The following CTNND2 variants were observed in gnomAD, a reference collection of about 807,000 sequenced individuals.
CTNND2 encodes the protein catenin delta 2.
In CTNND2, 22 loss-of-function variants were observed where a neutral mutation model predicts 144.4. The ratio of observed to expected loss-of-function variants is 0.15; its 90% confidence interval spans 0.11 to 0.22. The LOEUF is 0.22. Ranked by LOEUF, CTNND2 falls within the 10% of genes least tolerant of loss-of-function variation. CTNND2 has a pLI of 1.00. For missense variants in CTNND2, 1,353 were observed against 1,618.8 expected, an observed-to-expected ratio of 0.84 and a Z score of 2.82; for synonymous variants, 751 against 695.6, an observed-to-expected ratio of 1.08 and a Z score of -1.25.
intron 1 of CTNND2, among the ~76,000 whole-genome samples, chr5:11,750,719 C>T (rs1172837697): frequency 6.6e-6 from 1 of 151,742 alleles, no homozygotes; most frequent in East Asian, 1.9e-4. Context: ...GATTCAAAAA[C>T]AGTAATTTTT....
chr5:11,221,232 G>A (rs542305854), intron 10 of CTNND2, among the ~76,000 whole-genome samples: 17 of 152,302 alleles, frequency 1.1e-4, no homozygotes, highest in African/African-American at 4.1e-4. Flanking sequence ...CGTCTGATAC[G>A]AAATGACTGA....
intron 1 of CTNND2, among the ~76,000 whole-genome samples, chr5:11,770,415 A>AGAAGGAAG (rs1206057309): frequency 0.012 from 125 of 10,014 alleles, no homozygotes; most frequent in Admixed American, 0.015. Context: ...AAAAAAGGAA[A>AGAAGGAAG]GAAGGAAGGA....
At chr5:11,208,405 A>T (rs967366666) in intron 10 of CTNND2, among the ~76,000 whole-genome samples, 2 of 152,156 alleles carry the variant, frequency 1.3e-5, no homozygotes, top group Non-Finnish European at 2.9e-5. Context: ...AAAAATAGAG[A>T]ATTATGGAAA....
chr5:11,365,299 A>G (rs534006266), intron 7 of CTNND2, among the ~76,000 whole-genome samples: 2 of 152,346 alleles, frequency 1.3e-5, no homozygotes, highest in South Asian at 2.1e-4. Flanking sequence ...GCGAGCCACA[A>G]TGGCAAAGCC....
At chr5:11,470,954 G>GTGTATATATA (rs1767128271) in intron 3 of CTNND2, among the ~76,000 whole-genome samples, 1 of 63,244 alleles carries the variant, frequency 1.6e-5, no homozygotes, top group Non-Finnish European at 3.3e-5. Flanking sequence ...TTGATACAAA[G>GTGTATATATA]TATATATATA....
chr5:11,368,776 C>T (rs936822086), intron 7 of CTNND2, among the ~76,000 whole-genome samples: 1 of 152,158 alleles, frequency 6.6e-6, no homozygotes, highest in African/African-American at 2.4e-5. Context: ...CTGTCTCTAA[C>T]CAGTTGGATA....
chr5:11,278,465 A>G (rs976620785), intron 9 of CTNND2, among the ~76,000 whole-genome samples: 1 of 152,188 alleles, frequency 6.6e-6, no homozygotes, highest in Non-Finnish European at 1.5e-5. Context: ...AAGACATCAA[A>G]GCATGTTGGG....
In CTNND2 at chr5:11,384,896, G is replaced by T. The variant is rs750570901; in HGVS notation, c.946C>A (p.Pro316Thr). The T allele has an allele frequency of 3.1e-6, 5 of 1,610,184 alleles. No individual in the cohort carries two copies. The African/African-American group carries it at 4.0e-5, about 13-fold the overall frequency. The change falls in exon 7 of 22, where the codon CCC (proline) becomes ACC (threonine). Residue 316 changes from proline (P) to threonine (T), a missense_variant. By Grantham distance (38) the Pro-to-Thr change is conservative (BLOSUM62 -1). Transcript: ENST00000304623. This position sits in a 1 kb window ranked among gnomAD's most constrained non-coding sequence, Gnocchi z 5.2. Reference protein sequence around the residue: ...RLAKSYSTSSPINIVVSSAGL... With the variant: ...RLAKSYSTSSTINIVVSSAGL... ...GCCGAGGACACGACGATGTTGATGG[G>T]CGAGCTGGTGCTGTAGGACTTGGCC...
chr5:11,453,256 A>T (rs552695957), intron 3 of CTNND2, among the ~76,000 whole-genome samples: 2 of 152,278 alleles, frequency 1.3e-5, no homozygotes, highest in Admixed American at 6.5e-5. Context: ...CATCCCATCA[A>T]ATGTGAGATG....
chr5:11,015,127 A>G (rs1231972253), intron 18 of CTNND2, among the ~76,000 whole-genome samples: 2 of 152,244 alleles, frequency 1.3e-5, no homozygotes, highest in African/African-American at 4.8e-5. Flanking sequence ...AAGCATGGAT[A>G]ATTAAAAGAT....
intron 1 of CTNND2, among the ~76,000 whole-genome samples, chr5:11,896,786 C>T (rs550356872): frequency 6.6e-6 from 1 of 152,012 alleles, no homozygotes; most frequent in Admixed American, 6.6e-5. Flanking sequence ...TAGTTATTTG[C>T]CTTGATTATC....
chr5:11,893,908 T>A (rs146984616), intron 1 of CTNND2, among the ~76,000 whole-genome samples: 1 of 152,232 alleles, frequency 6.6e-6, no homozygotes, highest in Non-Finnish European at 1.5e-5. Context: ...AAGATTAGCA[T>A]CCCCTCTCAA....
At chr5:11,694,232 A>ATCG (rs1561701647) in intron 2 of CTNND2, among the ~76,000 whole-genome samples, 8 of 151,566 alleles carry the variant, frequency 5.3e-5, no homozygotes, top group African/African-American at 1.9e-4. Context: ...TCAGGAGATC[A>ATCG]AGACCATCCT....
At chr5:11,535,452 C>A (rs942083014) in intron 3 of CTNND2, among the ~76,000 whole-genome samples, 1 of 152,048 alleles carries the variant, frequency 6.6e-6, no homozygotes. Flanking sequence ...TAATTTTTTC[C>A]TATAGGTAGT....
chr5:11,732,847 G>A (rs1461633813), intron 1 of CTNND2, among the ~76,000 whole-genome samples: 1 of 151,816 alleles, frequency 6.6e-6, no homozygotes, highest in African/African-American at 2.4e-5. Flanking sequence ...AATCCTCCCT[G>A]CCTCCTTTCT....
At chr5:11,506,589 G>A (rs963382697) in intron 3 of CTNND2, among the ~76,000 whole-genome samples, 3 of 152,212 alleles carry the variant, frequency 2.0e-5, no homozygotes, top group South Asian at 2.1e-4. Context: ...TATGTGAGAC[G>A]AAGCGTGTTT....
At chr5:11,492,370 G>A (rs1426830623) in intron 3 of CTNND2, among the ~76,000 whole-genome samples, 1 of 152,104 alleles carries the variant, frequency 6.6e-6, no homozygotes, top group African/African-American at 2.4e-5. Context: ...TCAGTAGTGT[G>A]GGTGTGTCTT....
chr5:11,516,461 A>C (rs190778158), intron 3 of CTNND2, among the ~76,000 whole-genome samples: 77 of 152,282 alleles, frequency 5.1e-4, no homozygotes, highest in Admixed American at 4.9e-3. Context: ...TTCAGAAAAC[A>C]ATGTGTTGAA....
At chr5:11,784,390 A>G (rs1790718796) in intron 1 of CTNND2, among the ~76,000 whole-genome samples, 1 of 152,208 alleles carries the variant, frequency 6.6e-6, no homozygotes, top group Admixed American at 6.5e-5. Flanking sequence ...GTGGTAACTG[A>G]TTTTAGGAGG....
Sources: allele counts gnomAD v4.1 joint callset (sites outside exome capture counted in the v4.1 genomes callset), GRCh38; gene constraint gnomAD v4.1.1; non-coding constraint Gnocchi (gnomAD v3.1); transcripts MANE v1.5; gene names NCBI Gene and HGNC (gene_info 2026-07-23, HGNC 2026-07-21).